Variants in MYO1D observed in about 807,000 individuals in gnomAD.
MYO1D encodes the protein unconventional myosin-Id.
Under a neutral mutation model 122.0 loss-of-function variants are expected in MYO1D, and 83 were observed. That is an observed-to-expected ratio of 0.68 (90% CI 0.57 to 0.82). The LOEUF is 0.82. Ranked by LOEUF, MYO1D falls within the 40% of genes least tolerant of loss-of-function variation. MYO1D has a pLI of 0.00. For synonymous variants in MYO1D, 464 were observed against 446.9 expected, an observed-to-expected ratio of 1.04 and a Z score of -0.48; for missense variants, 1,157 against 1,269.5, an observed-to-expected ratio of 0.91 and a Z score of 1.35.
chr17:32,825,146 C>T (rs1034779649), intron 1 of MYO1D, among the ~76,000 whole-genome samples: 5 of 152,246 alleles, frequency 3.3e-5, no homozygotes, highest in East Asian at 1.9e-4. Context: ...TAGAAATAGT[C>T]GTTGAGCTTG....
At chr17:32,857,571 C>T (rs575546208) in intron 1 of MYO1D, among the ~76,000 whole-genome samples, 5 of 133,922 alleles carry the variant, frequency 3.7e-5, no homozygotes, top group African/African-American at 1.4e-4. Flanking sequence ...GACGACAGAG[C>T]AAGACTCCAC....
At chr17:32,850,917 C>G (rs1273717845) in intron 1 of MYO1D, among the ~76,000 whole-genome samples, 4 of 129,492 alleles carry the variant, frequency 3.1e-5, no homozygotes, top group Non-Finnish European at 6.8e-5. Context: ...GTTAAGAATA[C>G]TTATGAAAAC....
chr17:32,587,286 C>T (rs977467302), intron 21 of MYO1D, among the ~76,000 whole-genome samples: 2 of 152,094 alleles, frequency 1.3e-5, no homozygotes, highest in African/African-American at 2.4e-5. Context: ...CTGAGGTGAG[C>T]GGAACACTTG....
At chr17:32,623,162 CAACTT>C (rs1354478902) in intron 20 of MYO1D, among the ~76,000 whole-genome samples, 1 of 152,196 alleles carries the variant, frequency 6.6e-6, no homozygotes, top group Non-Finnish European at 1.5e-5. Flanking sequence ...CTGAGCCTGT[CAACTT>C]TACTTGTTCC....
chr17:32,540,120 C>T (rs964728444), intron 21 of MYO1D, among the ~76,000 whole-genome samples: 5 of 151,786 alleles, frequency 3.3e-5, no homozygotes, highest in East Asian at 1.9e-4. Flanking sequence ...CTGAGGCAGG[C>T]GGATCATCTG....
intron 1 of MYO1D, among the ~76,000 whole-genome samples, chr17:32,866,286 G>GA (rs369228811): frequency 4.6e-5 from 7 of 151,420 alleles, no homozygotes; most frequent in African/African-American, 1.7e-4. Context: ...AATAAAAGAA[G>GA]AAAAAAAAAT....
chr17:32,817,081 C>T (rs921638464), intron 1 of MYO1D, among the ~76,000 whole-genome samples: 1 of 152,084 alleles, frequency 6.6e-6, no homozygotes, highest in Non-Finnish European at 1.5e-5. Flanking sequence ...TATCTGCTAG[C>T]TACTTCACAG....
At chr17:32,700,366 C>T (rs1000030841) in intron 16 of MYO1D, among the ~76,000 whole-genome samples, 1 of 152,196 alleles carries the variant, frequency 6.6e-6, no homozygotes, top group Admixed American at 6.5e-5. Context: ...TCTGATAGGC[C>T]GCGGAGCTTG....
At chr17:32,867,798 C>CAAAAAA (rs5820001) in intron 1 of MYO1D, among the ~76,000 whole-genome samples, 10 of 53,928 alleles carry the variant, frequency 1.9e-4, no homozygotes, top group South Asian at 9.5e-4. Flanking sequence ...GACTCCGTCT[C>CAAAAAA]AAAAAAAAAA....
chr17:32,728,365 C>T lies in MYO1D; in HGVS notation c.1747-7176G>A, dbSNP rs192610727. On this transcript the variant is annotated intron_variant, in intron 14 of 21. Transcript: ENST00000318217. ...GGATTACAGGGTGCACACCACCATG[C>T]CTGGCTAATTTTTTGTACTTTTAGT... Among the ~76,000 whole-genome samples, 355 of 152,242 alleles carry T rather than the reference C, an allele frequency of 2.3e-3. 4 individuals are homozygous for T. Among genetic ancestry groups the T allele is most frequent in the African/African-American group, 7.3e-3 (303 of 41,538 alleles).
At chr17:32,564,428 A>G in intron 21 of MYO1D, among the ~76,000 whole-genome samples, 1 of 152,202 alleles carries the variant, frequency 6.6e-6, no homozygotes, top group Non-Finnish European at 1.5e-5. Flanking sequence ...CCCTCTACTT[A>G]GCAATTATGA....
chr17:32,790,920 G>A (rs1200420892), intron 1 of MYO1D, among the ~76,000 whole-genome samples: 2 of 152,162 alleles, frequency 1.3e-5, no homozygotes, highest in African/African-American at 2.4e-5. Flanking sequence ...GAAGAAAAGC[G>A]GATTCTATCA....
intron 21 of MYO1D, among the ~76,000 whole-genome samples, chr17:32,573,196 T>C (rs2087246939): frequency 6.6e-6 from 1 of 152,226 alleles, no homozygotes. Flanking sequence ...CCTATAATTA[T>C]TATTCACTAT....
chr17:32,865,200 T>G (rs540415028), intron 1 of MYO1D, among the ~76,000 whole-genome samples: 1 of 152,330 alleles, frequency 6.6e-6, no homozygotes, highest in Admixed American at 6.5e-5. Context: ...GACTTTTAAT[T>G]GACTATAAAA....
intron 21 of MYO1D, among the ~76,000 whole-genome samples, chr17:32,583,727 TTTTC>T (rs1181014009): frequency 6.6e-6 from 1 of 151,888 alleles, no homozygotes; most frequent in Non-Finnish European, 1.5e-5. Context: ...ATTTGAGTCT[TTTTC>T]TTTGTTTGTT....
At chr17:32,568,583 G>T (rs888452981) in intron 21 of MYO1D, among the ~76,000 whole-genome samples, 1 of 152,170 alleles carries the variant, frequency 6.6e-6, no homozygotes, top group African/African-American at 2.4e-5. Flanking sequence ...GGACACTCTT[G>T]AGAGTTAAAG....
intron 21 of MYO1D, among the ~76,000 whole-genome samples, chr17:32,532,723 C>CAAAA (rs71144833): frequency 2.0e-5 from 2 of 99,654 alleles, no homozygotes; most frequent in African/African-American, 7.4e-5. Context: ...GACTCCGTCT[C>CAAAA]AAAAAAAAAA....
chr17:32,544,115 A>G (rs1452261734), intron 21 of MYO1D, among the ~76,000 whole-genome samples: 2 of 135,528 alleles, frequency 1.5e-5, no homozygotes, highest in African/African-American at 6.0e-5. Flanking sequence ...TTTTTTTTTG[A>G]GACAGGGTCT....
intron 21 of MYO1D, among the ~76,000 whole-genome samples, chr17:32,597,711 A>G (rs958749651): frequency 7.3e-5 from 11 of 151,594 alleles, no homozygotes; most frequent in African/African-American, 2.2e-4. Context: ...ATCTCTACTA[A>G]AACTATAAAA....
Sources: gnomAD v4.1 joint callset for allele counts (sites outside exome capture counted in the v4.1 genomes callset) on GRCh38, gnomAD v4.1.1 for gene constraint, MANE v1.5 for transcripts, NCBI Gene and HGNC (gene_info 2026-07-23, HGNC 2026-07-21) for gene names.